NEK6: variants seen among roughly 807,000 people sequenced by gnomAD.
The protein encoded by NEK6 is serine/threonine-protein kinase Nek6.
A neutral mutation model predicts 43.5 loss-of-function variants in NEK6; 27 were observed. That is an observed-to-expected ratio of 0.62 (90% CI 0.46 to 0.86). The LOEUF (loss-of-function observed/expected upper bound fraction) is 0.86, where lower values mean the gene tolerates loss of function less well. NEK6 is among the 40% of genes least tolerant of loss of function. The pLI is 0.00. For synonymous variants in NEK6, 167 were observed against 164.1 expected, an observed-to-expected ratio of 1.02 and a Z score of -0.14; for missense variants, 318 against 414.4, an observed-to-expected ratio of 0.77 and a Z score of 2.02.
chr9:124,293,128 C>A, intron 1 of NEK6: 1 of 1,239,194 alleles, frequency 8.1e-7, no homozygotes, highest in Non-Finnish European at 1.0e-6. Flanking sequence ...TTGTGGTCAC[C>A]AAGGATCACC....
chr9:124,305,025 T>C (rs1265751854), intron 2 of NEK6, among the ~76,000 whole-genome samples: 1 of 152,230 alleles, frequency 6.6e-6, no homozygotes. Context: ...GGGAAAGGTA[T>C]TCTTGCCTGA....
chr9:124,336,307 T>TTTG (rs1414710398), intron 7 of NEK6, among the ~76,000 whole-genome samples: 1 of 152,194 alleles, frequency 6.6e-6, no homozygotes, highest in African/African-American at 2.4e-5. Flanking sequence ...CTTGTTCAGT[T>TTTG]TTGTAAAGAA....
intron 7 of NEK6, among the ~76,000 whole-genome samples, chr9:124,332,553 C>T (rs1326502919): frequency 6.6e-6 from 1 of 152,222 alleles, no homozygotes; most frequent in Admixed American, 6.5e-5. Flanking sequence ...CAATGTCCCG[C>T]CGGCTGGACG....
At chr9:124,334,413 C>T (rs1349323589) in intron 7 of NEK6, among the ~76,000 whole-genome samples, 3 of 152,196 alleles carry the variant, frequency 2.0e-5, no homozygotes, top group Admixed American at 6.5e-5. Context: ...GCCTTTTCTC[C>T]GTACACCAGT....
intron 2 of NEK6, among the ~76,000 whole-genome samples, chr9:124,308,966 G>A (rs534251974): frequency 2.8e-4 from 43 of 152,360 alleles, no homozygotes; most frequent in African/African-American, 9.1e-4. Context: ...AGGTGGCGAC[G>A]GAGCAGCCAG....
Position 124,326,351 on chromosome 9 carries a change from C to T in NEK6, c.427C>T (p.Leu143Phe). Reference sequence around the variant, plus strand: ...GCAGTACTTTAAGAAGCAGAAGCGGCTCATCCCGGAGAGGACAGTATGGAA... The same window carrying T: ...GCAGTACTTTAAGAAGCAGAAGCGGTTCATCCCGGAGAGGACAGTATGGAA... ...MIKYFKKQKR[L>F]IPERTVWKYF... Residue 143 changes from leucine to phenylalanine, a missense_variant, in exon 6 of 10, where the codon CTC becomes TTC. Physicochemically the swap from Leu to Phe is conservative, Grantham distance 22 (BLOSUM62 0). Transcript: ENST00000320246. This position sits in a 1 kb window ranked among gnomAD's most constrained non-coding sequence, Gnocchi z 4.5. The T allele has an allele frequency of 6.2e-7, 1 of 1,611,528 alleles. No individual in the cohort carries two copies. The highest frequency in any genetic ancestry group is 8.5e-7 in the Non-Finnish European group (1 of 1,179,900).
rs1834370720 is a variant in NEK6 at position 124,326,946 on chromosome 9, C to T, written c.515-392C>T. On this transcript the variant is annotated intron_variant, in intron 6 of 9. Coordinates refer to ENST00000320246, the MANE Select transcript of NEK6 (RefSeq NM_014397.6). The surrounding 1 kb of genome is among the most constrained non-coding windows in gnomAD (Gnocchi z 4.5). ...GTGTCTGCTGTATTGGAGGCCCCGC[C>T]CTCACTGGGGGGTACGGCACTGGGT... Among the ~76,000 whole-genome samples the T allele has an allele frequency of 6.6e-6, 1 of 152,166 alleles. No individual in the cohort carries two copies. The highest frequency in any genetic ancestry group is 1.5e-5 in the Non-Finnish European group (1 of 68,016).
intron 1 of NEK6, chr9:124,258,399 A>G (rs773696695): frequency 1.4e-4 from 134 of 952,106 alleles, no homozygotes; most frequent in Non-Finnish European, 1.5e-4. Flanking sequence ...GCTCCCCGCT[A>G]CCCACTTCCC....
chr9:124,342,193 G>A (rs895127553), intron 8 of NEK6, among the ~76,000 whole-genome samples: 1 of 128,508 alleles, frequency 7.8e-6, no homozygotes, highest in Non-Finnish European at 1.9e-5. Flanking sequence ...CCTAAGGTCT[G>A]AGGAGGGGAT....
intron 2 of NEK6, among the ~76,000 whole-genome samples, chr9:124,310,300 A>G (rs368487761): frequency 6.6e-6 from 1 of 152,256 alleles, no homozygotes; most frequent in African/African-American, 2.4e-5. Context: ...GTGTCTGCAC[A>G]GAGCCCAGCA....
intron 1 of NEK6, among the ~76,000 whole-genome samples, chr9:124,280,963 A>AT (rs1357538197): frequency 6.6e-6 from 1 of 151,504 alleles, no homozygotes; most frequent in South Asian, 2.1e-4. Context: ...TAATTTTTGT[A>AT]TTTTTTGTGG....
At chr9:124,257,913 G>A (rs1393823048), upstream of NEK6, 1 of 961,950 alleles carries the variant, frequency 1.0e-6, no homozygotes, top group Non-Finnish European at 1.2e-6. Flanking sequence ...CCCGCGGCGG[G>A]GAGGGGCGGG....
In NEK6 at chr9:124,326,278, C is replaced by T. The variant is rs1834332192; in HGVS notation, c.406-52C>T. On this transcript the variant is annotated intron_variant, in intron 5 of 9. Transcript: ENST00000320246. The surrounding 1 kb of genome is among the most constrained non-coding windows in gnomAD (Gnocchi z 4.5). ...GAGGCAGTGCCCTGTGGCCACCCAC[C>T]TCCAAGCCCGCTCACCCGGGCCTAT... 3.1e-5 allele frequency: 43 copies of T among 1,409,046 alleles called. No homozygotes were observed. Among genetic ancestry groups the T allele is most frequent in the Non-Finnish European group, 3.7e-5 (37 of 1,010,688 alleles). 87.3% of individuals were successfully genotyped at this position (1,409,046 alleles called of 1,614,324 possible). A position where few individuals can be genotyped will look rare whatever the true frequency, so the allele number is the denominator to read the frequency against.
At chr9:124,280,463 C>T (rs940610167) in intron 1 of NEK6, among the ~76,000 whole-genome samples, 2 of 152,218 alleles carry the variant, frequency 1.3e-5, no homozygotes, top group African/African-American at 4.8e-5. Context: ...TTGGAGCGTC[C>T]TTAGAGATGG....
intron 1 of NEK6, among the ~76,000 whole-genome samples, chr9:124,280,715 C>G (rs759115156): frequency 1.3e-5 from 2 of 152,206 alleles, no homozygotes; most frequent in Non-Finnish European, 2.9e-5. Flanking sequence ...ATGAGGGGAC[C>G]CTGCAGAGAG....
At chr9:124,293,968 A>G (rs1832552883) in intron 1 of NEK6, among the ~76,000 whole-genome samples, 2 of 152,256 alleles carry the variant, frequency 1.3e-5, no homozygotes, top group Admixed American at 6.5e-5. Context: ...GTGTGCTCAC[A>G]GAGTCCTCGC....
Position 124,343,857 on chromosome 9 carries a change from C to T in NEK6, c.718-3852C>T, listed in dbSNP as rs1829781097. On this transcript the variant is annotated intron_variant, in intron 8 of 9. Transcript: ENST00000320246. This position sits in a 1 kb window ranked among gnomAD's most constrained non-coding sequence, Gnocchi z 5.1. ...CAGCACAGCCCGGAAGGCTCAAAAG[C>T]CCCTGTGCTCATCCCTGTGGCTGCA... 6.6e-6 allele frequency among the ~76,000 whole-genome samples: 1 copy of T among 152,216 alleles called. No homozygotes were observed. The highest frequency in any genetic ancestry group is 1.5e-5 in the Non-Finnish European group (1 of 68,030).
intron 1 of NEK6, among the ~76,000 whole-genome samples, chr9:124,282,959 C>T (rs1052729100): frequency 6.6e-6 from 1 of 152,212 alleles, no homozygotes; most frequent in African/African-American, 2.4e-5. Flanking sequence ...CAGCCTCCCC[C>T]GCTTTGTGGA....
At chr9:124,267,546 C>T (rs151148145) in intron 1 of NEK6, among the ~76,000 whole-genome samples, 22 of 152,350 alleles carry the variant, frequency 1.4e-4, no homozygotes, top group Admixed American at 8.5e-4. Context: ...TCTGTGCAGA[C>T]GCTGGGACAA....
Sources: gnomAD v4.1 joint callset for allele counts (sites outside exome capture counted in the v4.1 genomes callset) on GRCh38, gnomAD v4.1.1 for gene constraint, Gnocchi (gnomAD v3.1) non-coding constraint, MANE v1.5 for transcripts, NCBI Gene and HGNC (gene_info 2026-07-23, HGNC 2026-07-21) for gene names.